Variants in COPG2 observed in about 807,000 individuals in gnomAD.
COPG2 encodes the protein coatomer subunit gamma-2.
Under a neutral mutation model 46.3 loss-of-function variants are expected in COPG2, and 37 were observed. The ratio of observed to expected loss-of-function variants is 0.80; its 90% CI spans 0.61 to 1.05. The LOEUF (loss-of-function observed/expected upper bound fraction) is 1.05, where lower values mean the gene tolerates loss of function less well. COPG2 is among the 50% of genes least tolerant of loss of function. COPG2 has a pLI of 0.00. For synonymous variants in COPG2, 159 were observed against 129.7 expected (o/e 1.23, Z -1.53); for missense variants, 427 against 387.8 (o/e 1.10, Z -0.85).
intron 20 of COPG2, among the ~76,000 whole-genome samples, chr7:130,525,049 T>C (rs1799760620): frequency 6.6e-6 from 1 of 151,876 alleles, no homozygotes; most frequent in Non-Finnish European, 1.5e-5. Flanking sequence ...AATGGGTGGA[T>C]GAGTGATGCA....
intron 9 of COPG2, among the ~76,000 whole-genome samples, chr7:130,574,377 C>T (rs1793967900): frequency 6.6e-6 from 1 of 152,192 alleles, no homozygotes; most frequent in Non-Finnish European, 1.5e-5. Context: ...CAGGACTCTG[C>T]AGACAATCCC....
chr7:130,641,061 TA>T (rs1485079723), intron 5 of COPG2, among the ~76,000 whole-genome samples: 1 of 150,072 alleles, frequency 6.7e-6, no homozygotes, highest in Non-Finnish European at 1.5e-5. Flanking sequence ...CAACCGAGGC[TA>T]GGGGTAGTGG....
At chr7:130,664,505 G>A (rs1796036105) in intron 3 of COPG2, among the ~76,000 whole-genome samples, 1 of 152,176 alleles carries the variant, frequency 6.6e-6, no homozygotes, top group Admixed American at 6.5e-5. Flanking sequence ...AAAACACATG[G>A]ATATGTCAAC....
At chr7:130,519,078 G>A (rs1381549611) in intron 20 of COPG2, among the ~76,000 whole-genome samples, 2 of 150,942 alleles carry the variant, frequency 1.3e-5, no homozygotes, top group East Asian at 3.9e-4. Context: ...GGAAGGAGAA[G>A]ACATGTTAGA....
chr7:130,519,385 A>G (rs1799707359), intron 20 of COPG2, among the ~76,000 whole-genome samples: 1 of 152,228 alleles, frequency 6.6e-6, no homozygotes, highest in Admixed American at 6.5e-5. Flanking sequence ...AATGGGTCAG[A>G]GCAGGGATCC....
At chr7:130,581,712 CAG>C (rs1405951472) in intron 9 of COPG2, among the ~76,000 whole-genome samples, 110 of 136,646 alleles carry the variant, frequency 8.1e-4, no homozygotes, top group African/African-American at 2.4e-3. Flanking sequence ...AACAGACAAA[CAG>C]AGAGCCAAAT....
chr7:130,578,779 G>A (rs1423700064), intron 9 of COPG2, among the ~76,000 whole-genome samples: 4 of 151,754 alleles, frequency 2.6e-5, no homozygotes, highest in East Asian at 3.9e-4. Context: ...GAAATGAAGC[G>A]AGAAGGGAAG....
chr7:130,666,206 TAA>T (rs1465377935), intron 3 of COPG2, among the ~76,000 whole-genome samples: 7 of 152,174 alleles, frequency 4.6e-5, no homozygotes, highest in Non-Finnish European at 8.8e-5. Flanking sequence ...ATAATAAATA[TAA>T]AATCTGAATA....
intron 14 of COPG2, among the ~76,000 whole-genome samples, chr7:130,553,861 T>C (rs899578197): frequency 5.3e-5 from 8 of 152,198 alleles, no homozygotes; most frequent in South Asian, 4.1e-4. Flanking sequence ...CAATAGCACA[T>C]CAAGTGGACT....
intron 9 of COPG2, among the ~76,000 whole-genome samples, chr7:130,578,407 A>G: frequency 3.4e-5 from 5 of 147,776 alleles, no homozygotes; most frequent in South Asian, 2.2e-4. Flanking sequence ...AAAAAACAGA[A>G]CAGAAAAACT....
intron 5 of COPG2, among the ~76,000 whole-genome samples, chr7:130,647,010 T>C (rs1195985887): frequency 1.2e-4 from 16 of 137,144 alleles, no homozygotes; most frequent in East Asian, 4.1e-4. Flanking sequence ...TATATATATA[T>C]GTATATATAT....
At chr7:130,541,429 G>A (rs1327637495) in intron 20 of COPG2, among the ~76,000 whole-genome samples, 2 of 151,958 alleles carry the variant, frequency 1.3e-5, no homozygotes, top group African/African-American at 4.8e-5. Flanking sequence ...GTGGGAGGAG[G>A]GTGGGACTGA....
chr7:130,509,174 C>A, intron 20 of COPG2: 1 of 448,966 alleles, frequency 2.2e-6, no homozygotes. Flanking sequence ...CTTGCTTTAT[C>A]TGTCAACCTT....
chr7:130,545,793 T>A (rs1453438687), intron 20 of COPG2, among the ~76,000 whole-genome samples: 1 of 152,174 alleles, frequency 6.6e-6, no homozygotes, highest in Non-Finnish European at 1.5e-5. Context: ...GTAAGATCTA[T>A]GTTTTAAAAC....
chr7:130,668,681 C>T lies in COPG2; in HGVS notation c.-13G>A, dbSNP rs1554462078. 7.8e-6 allele frequency: 12 copies of T among 1,533,442 alleles called. No individual in the cohort carries two copies. The highest frequency in any genetic ancestry group is 1.1e-5 in the Non-Finnish European group (12 of 1,141,584). The allele number at this position is 1,533,442 out of a possible 1,614,324, so 95.0% of individuals were successfully genotyped here. A position where few individuals can be genotyped will look rare whatever the true frequency, so the allele number is the denominator to read the frequency against. On this transcript the variant is annotated 5_prime_UTR_variant, in exon 1 of 24. Coordinates refer to ENST00000425248, the MANE Select transcript of COPG2 (RefSeq NM_012133.6). ...ATTTTTTAATCATCTTGGACGACTT[C>T]CCAGCGCCCAGACCCACCGCAACCG...
intron 3 of COPG2, among the ~76,000 whole-genome samples, chr7:130,664,712 T>C (rs371525642): frequency 3.0e-4 from 45 of 152,340 alleles, no homozygotes; most frequent in African/African-American, 9.1e-4. Flanking sequence ...AAAATACATG[T>C]TACTCTCAAT....
At chr7:130,650,189 G>A (rs1795709240) in intron 5 of COPG2, among the ~76,000 whole-genome samples, 1 of 152,072 alleles carries the variant, frequency 6.6e-6, no homozygotes, top group Non-Finnish European at 1.5e-5. Flanking sequence ...CCATTTTTAA[G>A]AAGTGTAGTC....
chr7:130,523,119 C>CAAAAAAAAAAAAAAAA (rs1308994776), intron 20 of COPG2, among the ~76,000 whole-genome samples: 5 of 57,536 alleles, frequency 8.7e-5, no homozygotes, highest in African/African-American at 4.0e-4. Flanking sequence ...ACTCTTCTCT[C>CAAAAAAAAAAAAAAAA]AAAAAAAAAA....
At chr7:130,590,390 C>T (rs576381464) in intron 9 of COPG2, among the ~76,000 whole-genome samples, 2 of 152,232 alleles carry the variant, frequency 1.3e-5, no homozygotes, top group Non-Finnish European at 2.9e-5. Flanking sequence ...CGAGTGCCTG[C>T]GACTGCAGGT....
Sources: gnomAD v4.1 joint callset for allele counts (sites outside exome capture counted in the v4.1 genomes callset) on GRCh38, gnomAD v4.1.1 for gene constraint, MANE v1.5 for transcripts, NCBI Gene and HGNC (gene_info 2026-07-23, HGNC 2026-07-21) for gene names.